Variants in PPP4R2 observed in about 807,000 individuals in gnomAD.
PPP4R2 encodes serine/threonine-protein phosphatase 4 regulatory subunit 2.
In PPP4R2, 13 loss-of-function variants were observed where a neutral mutation model predicts 47.2. The observed-to-expected ratio is 0.28, with a 90% CI of 0.18 to 0.44. The LOEUF is 0.44. Ranked by LOEUF, PPP4R2 falls within the 20% of genes least tolerant of loss-of-function variation. PPP4R2 has a pLI of 1.00. For synonymous variants in PPP4R2, 151 were observed against 163.3 expected (o/e 0.92, Z 0.57); for missense variants, 421 against 491.2 (o/e 0.86, Z 1.35).
intron 2 of PPP4R2, among the ~76,000 whole-genome samples, chr3:73,046,127 T>C (rs1321538622): frequency 6.6e-6 from 1 of 152,246 alleles, no homozygotes; most frequent in African/African-American, 2.4e-5. Context: ...TAATACAGTT[T>C]GGTGCTGCTG....
intron 2 of PPP4R2, among the ~76,000 whole-genome samples, chr3:73,034,943 A>ATGG (rs1702235826): frequency 6.6e-6 from 1 of 152,202 alleles, no homozygotes; most frequent in African/African-American, 2.4e-5. Context: ...AAACAGATGA[A>ATGG]TGGGATTACA....
intron 1 of PPP4R2, chr3:72,997,448 G>T: frequency 4.6e-6 from 1 of 217,562 alleles, no homozygotes; most frequent in Non-Finnish European, 9.1e-6. Flanking sequence ...AAAAGTAAAC[G>T]GTTGGTGGGG....
At chr3:73,012,503 A>G (rs1481740521) in intron 2 of PPP4R2, among the ~76,000 whole-genome samples, 5 of 152,102 alleles carry the variant, frequency 3.3e-5, no homozygotes, top group South Asian at 2.1e-4. Context: ...GTGTTTCACC[A>G]TGTTAGCCAG....
intron 2 of PPP4R2, among the ~76,000 whole-genome samples, chr3:73,021,231 AAAT>A (rs1372290235): frequency 1.6e-4 from 22 of 140,582 alleles, no homozygotes; most frequent in African/African-American, 6.0e-4. Flanking sequence ...CATTAAAAAA[AAAT>A]TTTTTTTTTT....
intron 2 of PPP4R2, among the ~76,000 whole-genome samples, chr3:72,999,573 G>C (rs1319694872): frequency 6.6e-6 from 1 of 152,188 alleles, no homozygotes; most frequent in Non-Finnish European, 1.5e-5. Context: ...TATCAGGTTT[G>C]TACACACTGC....
chr3:73,015,026 T>C, intron 2 of PPP4R2: 5 of 660,590 alleles, frequency 7.6e-6, no homozygotes, highest in South Asian at 4.9e-5. Flanking sequence ...CCTCGAAATA[T>C]ACTCCTGGCC....
Position 73,062,206 on chromosome 3 carries a change from G to A in PPP4R2, c.419+1146G>A, listed in dbSNP as rs759029057. On this transcript the variant is annotated intron_variant, in intron 5 of 8. Coordinates refer to ENST00000356692, the MANE Select transcript of PPP4R2 (RefSeq NM_174907.4). ...CTTAACAAAATTAAAGAATTAAGTC[G>A]GAACCAATTTTCCACAATGTCTCAT... 34 of 1,583,724 alleles carry A rather than the reference G, an allele frequency of 2.1e-5. No homozygotes were observed. The highest frequency in any genetic ancestry group is 5.8e-5 in the South Asian group (5 of 85,620).
intron 2 of PPP4R2, among the ~76,000 whole-genome samples, chr3:73,017,725 C>T (rs371180503): frequency 1.3e-5 from 2 of 151,870 alleles, no homozygotes; most frequent in African/African-American, 2.4e-5. Flanking sequence ...CTACTAAATC[C>T]ATACCAGCTT....
At position 73,043,206 on chromosome 3, in the gene PPP4R2, G is replaced by A. The variant is rs576488307; in HGVS notation, c.117-3980G>A. Among the ~76,000 whole-genome samples the A allele has an allele frequency of 3.2e-3, 482 of 152,274 alleles. 1 individual carries two copies. Among genetic ancestry groups the A allele is most frequent in the African/African-American group, 0.011 (453 of 41,568 alleles). Reference sequence around the variant, plus strand: ...TGGTATGTTTAAGTATGAAGTGCATGTGGAGAGTCTCATAAAATTTAAAGA... The same window carrying A: ...TGGTATGTTTAAGTATGAAGTGCATATGGAGAGTCTCATAAAATTTAAAGA... On this transcript the variant is annotated intron_variant, in intron 2 of 8. Transcript: ENST00000356692.
At chr3:73,012,189 T>C (rs1487676339) in intron 2 of PPP4R2, among the ~76,000 whole-genome samples, 2 of 152,218 alleles carry the variant, frequency 1.3e-5, no homozygotes, top group African/African-American at 4.8e-5. Context: ...AGATTACTTA[T>C]AATACGTAAT....
chr3:73,052,213 G>T (rs529259824), intron 3 of PPP4R2, among the ~76,000 whole-genome samples: 5 of 148,000 alleles, frequency 3.4e-5, no homozygotes, highest in Non-Finnish European at 7.4e-5. Flanking sequence ...AGGCATAGAA[G>T]AATCACAATG....
intron 3 of PPP4R2, among the ~76,000 whole-genome samples, chr3:73,050,453 T>A (rs952889177): frequency 1.3e-5 from 2 of 152,000 alleles, no homozygotes; most frequent in African/African-American, 2.4e-5. Flanking sequence ...TTTGTGTTTT[T>A]TATATATATA....
At chr3:73,054,082 T>A (rs1702678406) in intron 3 of PPP4R2, among the ~76,000 whole-genome samples, 1 of 152,102 alleles carries the variant, frequency 6.6e-6, no homozygotes, top group South Asian at 2.1e-4. Flanking sequence ...CATGCCCGGC[T>A]AATTTTTGTA....
At chr3:73,056,045 T>C (rs1326916321) in intron 3 of PPP4R2, among the ~76,000 whole-genome samples, 1 of 152,256 alleles carries the variant, frequency 6.6e-6, no homozygotes, top group Non-Finnish European at 1.5e-5. Context: ...TATATTTGCT[T>C]TTCTTAGTAT....
At position 73,047,374 on chromosome 3, in the gene PPP4R2, T is replaced by C; in HGVS notation, c.287+18T>C. On this transcript the variant is annotated intron_variant, in intron 3 of 8. Transcript: ENST00000356692. Reference sequence around the variant, plus strand: ...TTTAATGGGTATGCACTTAATACTGTTTTAAAGATTTAATTTTTAGCAGAA... The same window carrying C: ...TTTAATGGGTATGCACTTAATACTGCTTTAAAGATTTAATTTTTAGCAGAA... 2 of 1,481,436 alleles carry C rather than the reference T, an allele frequency of 1.4e-6. No individual in the cohort carries two copies. The highest frequency in any genetic ancestry group is 1.8e-6 in the Non-Finnish European group (2 of 1,095,170). 91.8% of individuals were successfully genotyped at this position (1,481,436 alleles called of 1,614,324 possible).
intron 2 of PPP4R2, among the ~76,000 whole-genome samples, chr3:73,031,490 C>T (rs554127218): frequency 5.9e-5 from 9 of 151,858 alleles, no homozygotes; most frequent in Admixed American, 6.6e-5. Context: ...TGTAGTGAGC[C>T]GAGATTGTGT....
At position 73,016,731 on chromosome 3, in the gene PPP4R2, T is replaced by TTC. The variant is rs1445817702; in HGVS notation, c.116+18574_116+18575insCT. Among the ~76,000 whole-genome samples the TTC allele has an allele frequency of 1.9e-3, 246 of 128,476 alleles. 34 individuals carry two copies. Among genetic ancestry groups the TTC allele is most frequent in the Middle Eastern group, 4.0e-3 (1 of 250 alleles). The allele number at this position is 128,476 out of a possible 152,430, so 84.3% of individuals were successfully genotyped here. ...TTAACTAGCTTTATTGGTTCATTGT[T>TTC]TATTTTTATTATTTTTTTTTTTTAA... On this transcript the variant is annotated intron_variant, in intron 2 of 8. Coordinates refer to ENST00000356692, the MANE Select transcript of PPP4R2 (RefSeq NM_174907.4).
At chr3:73,041,855 AAAT>A (rs1702385877) in intron 2 of PPP4R2, among the ~76,000 whole-genome samples, 1 of 152,264 alleles carries the variant, frequency 6.6e-6, no homozygotes, top group South Asian at 2.1e-4. Flanking sequence ...AGCCTCTGGA[AAAT>A]ACCTTTAGCC....
At chr3:73,004,182 CTTT>C (rs71623998) in intron 2 of PPP4R2, among the ~76,000 whole-genome samples, 9 of 143,398 alleles carry the variant, frequency 6.3e-5, no homozygotes, top group East Asian at 2.1e-4. Context: ...GCCTTTTATT[CTTT>C]TTTTTTTTTT....
Sources: allele counts gnomAD v4.1 joint callset (sites outside exome capture counted in the v4.1 genomes callset), GRCh38; gene constraint gnomAD v4.1.1; transcripts MANE v1.5; gene names NCBI Gene and HGNC (gene_info 2026-07-23, HGNC 2026-07-21).